Variants in ST7L observed in about 807,000 individuals in gnomAD.
ST7L encodes the protein suppression of tumorigenicity 7 like.
In ST7L, 57 loss-of-function variants were observed where a neutral mutation model predicts 72.5. That is an observed-to-expected ratio of 0.79 (90% CI 0.64 to 0.98). The LOEUF (loss-of-function observed/expected upper bound fraction) is 0.98. ST7L is among the 50% of genes least tolerant of loss of function. ST7L has a pLI of 0.00. For missense variants in ST7L, 576 were observed against 672.2 expected (o/e 0.86, Z 1.58); for synonymous variants, 221 against 240.9 (o/e 0.92, Z 0.77).
chr1:112,539,736 T>C, intron 14 of ST7L: 2 of 985,228 alleles, frequency 2.0e-6, no homozygotes, highest in Non-Finnish European at 2.4e-6. Flanking sequence ...CATTAACTCT[T>C]AAATGGAACC....
rs1026023852 is a variant in ST7L at position 112,598,087 on chromosome 1, CT to C, written c.507-2del. On this transcript the variant is annotated splice_acceptor_variant, in intron 4 of 14. Coordinates refer to ENST00000358039, the MANE Select transcript of ST7L (RefSeq NM_017744.5). LOFTEE classifies it high-confidence loss of function. ...CTCTTTACCAGTCACCCAAGTGTAT[CT>C]TTACCAAAACACAACAAAATATTTA... 12 of 1,606,772 alleles carry C rather than the reference CT, an allele frequency of 7.5e-6. No individual in the cohort carries two copies. In the Admixed American group the frequency reaches 1.0e-4, roughly 14 times the overall value.
downstream of ST7L, among the ~76,000 whole-genome samples, chr1:112,519,938 A>G (rs1343628136): frequency 2.7e-5 from 4 of 146,610 alleles, no homozygotes; most frequent in Admixed American, 7.0e-5. Flanking sequence ...CAGTGGTGCA[A>G]TCTTGGCTCA....
intron 4 of ST7L, among the ~76,000 whole-genome samples, chr1:112,599,828 A>G (rs1425406083): frequency 3.9e-5 from 6 of 152,190 alleles, no homozygotes; most frequent in African/African-American, 7.2e-5. Flanking sequence ...ACAAATACTT[A>G]TATGTATTAT....
At chr1:112,615,070 G>T (rs1027835026) in intron 2 of ST7L, among the ~76,000 whole-genome samples, 1 of 152,022 alleles carries the variant, frequency 6.6e-6, no homozygotes, top group African/African-American at 2.4e-5. Flanking sequence ...CACCATCTTG[G>T]CTCACTGTAA....
intron 14 of ST7L, among the ~76,000 whole-genome samples, chr1:112,534,291 A>C (rs1654844116): frequency 1.3e-5 from 2 of 152,178 alleles, no homozygotes; most frequent in Non-Finnish European, 2.9e-5. Context: ...TAAGTTATGA[A>C]GTGATATATT....
intron 11 of ST7L, among the ~76,000 whole-genome samples, chr1:112,574,756 A>C (rs1571118139): frequency 6.6e-6 from 1 of 152,204 alleles, no homozygotes; most frequent in Admixed American, 6.5e-5. Flanking sequence ...CAAATGAATA[A>C]GAATAGTGGT....
At chr1:112,576,963 AT>A (rs1322678708) in intron 11 of ST7L, 22 bp downstream of exon 11, 1 of 1,530,074 alleles carries the variant, frequency 6.5e-7, no homozygotes, top group East Asian at 2.3e-5. Context: ...TAAAGGTAGT[AT>A]TTTTATCATA....
At chr1:112,531,925 AAAG>A (rs1165434680) in intron 14 of ST7L, among the ~76,000 whole-genome samples, 2 of 152,204 alleles carry the variant, frequency 1.3e-5, no homozygotes, top group African/African-American at 2.4e-5. Flanking sequence ...GCCAACATTC[AAAG>A]AAGACTCTTT....
chr1:112,615,851 T>C (rs919371037), intron 2 of ST7L, among the ~76,000 whole-genome samples: 1 of 152,212 alleles, frequency 6.6e-6, no homozygotes, highest in African/African-American at 2.4e-5. Flanking sequence ...GAGATTCTTA[T>C]GCCTCAGCCT....
chr1:112,614,258 A>G (rs1024580191), intron 2 of ST7L, among the ~76,000 whole-genome samples: 5 of 152,150 alleles, frequency 3.3e-5, no homozygotes, highest in Non-Finnish European at 5.9e-5. Context: ...AACAAAAACC[A>G]TATTAAATAG....
intron 11 of ST7L, among the ~76,000 whole-genome samples, chr1:112,556,997 A>AAAAAAAAAAAAAAAAAAAAAC (rs1557974323): frequency 7.0e-6 from 1 of 142,664 alleles, no homozygotes; most frequent in Non-Finnish European, 1.5e-5. Context: ...AAAAAAAAAA[A>AAAAAAAAAAAAAAAAAAAAAC]ACACAAAGAA....
intron 3 of ST7L, among the ~76,000 whole-genome samples, chr1:112,601,715 C>T (rs950284223): frequency 6.6e-6 from 1 of 152,006 alleles, no homozygotes. Flanking sequence ...TGTCATAAAA[C>T]CATACAGCAT....
At position 112,582,047 on chromosome 1, in the gene ST7L, T is replaced by G. The variant is rs1265068076; in HGVS notation, c.1014A>C (p.Ser338=). Reference sequence around the variant, plus strand: ...CTGGATAGGCCTGTAATTCTAAAAGTGATTCTAAGAGATTTTCATGGATGT... The same window carrying G: ...CTGGATAGGCCTGTAATTCTAAAAGGGATTCTAAGAGATTTTCATGGATGT... The part of the protein sequence containing the change: ...MLNIHENLLE[S]LLELQAYPDV... The change falls in exon 9 of 15, where the codon TCA becomes TCC. Residue 338 remains serine (S), a synonymous_variant. Transcript: ENST00000358039. 1 of 1,613,504 alleles carries G rather than the reference T, an allele frequency of 6.2e-7. No homozygotes were observed. Among genetic ancestry groups the G allele is most frequent in the Non-Finnish European group, 8.5e-7 (1 of 1,179,754 alleles).
intron 2 of ST7L, among the ~76,000 whole-genome samples, chr1:112,612,560 G>A: frequency 6.6e-6 from 1 of 151,976 alleles, no homozygotes; most frequent in Non-Finnish European, 1.5e-5. Flanking sequence ...GTTGGGGCCC[G>A]CTGACTACAT....
At chr1:112,561,429 T>C (rs1660116463) in intron 11 of ST7L, among the ~76,000 whole-genome samples, 1 of 151,840 alleles carries the variant, frequency 6.6e-6, no homozygotes, top group South Asian at 2.1e-4. Flanking sequence ...TGTCTGGATT[T>C]CTTTTTCTAT....
rs569787156 is a variant in ST7L at position 112,546,335 on chromosome 1, A to G, written c.1490-4245T>C. Among the ~76,000 whole-genome samples, 442 of 151,000 alleles carry G rather than the reference A, an allele frequency of 2.9e-3. 1 individual carries two copies. The highest frequency in any genetic ancestry group is 4.4e-3 in the Non-Finnish European group (296 of 67,750). On this transcript the variant is annotated intron_variant, in intron 13 of 14. Coordinates refer to ENST00000358039, the MANE Select transcript of ST7L (RefSeq NM_017744.5). ...CTAACTCAAAAAAAAAAAAAAAAAA[A>G]AGAGAGAAAAGAAAAAGTGGGATTG...
Position 112,525,060 on chromosome 1 carries a change from A to G in ST7L, c.*953T>C, listed in dbSNP as rs1689645632. Reference sequence around the variant, plus strand: ...AGTGGTGAAGAATTACCATCAAAGCAGAGTGGCTGAGACTGTATAAGTTCG... The same window carrying G: ...AGTGGTGAAGAATTACCATCAAAGCGGAGTGGCTGAGACTGTATAAGTTCG... On this transcript the variant is annotated 3_prime_UTR_variant, in exon 15 of 15. Coordinates refer to ENST00000358039, the MANE Select transcript of ST7L (RefSeq NM_017744.5). 1 of 152,266 alleles carries G rather than the reference A, an allele frequency of 6.6e-6. No homozygotes were observed. The highest frequency in any genetic ancestry group is 1.5e-5 in the Non-Finnish European group (1 of 68,088). The allele number at this position is 152,266 out of a possible 1,614,324, so 9.4% of individuals were successfully genotyped here. A position where few individuals can be genotyped will look rare whatever the true frequency, so the allele number is the denominator to read the frequency against.
chr1:112,579,448 G>A (rs1663756553), intron 9 of ST7L, among the ~76,000 whole-genome samples: 2 of 149,666 alleles, frequency 1.3e-5, no homozygotes, highest in Admixed American at 1.3e-4. Context: ...AAAAGGCATG[G>A]TATAATTAGA....
intron 14 of ST7L, 128 bp downstream of exon 14, chr1:112,541,823 T>C (rs1011919274): frequency 9.0e-6 from 13 of 1,450,968 alleles, no homozygotes; most frequent in African/African-American, 1.4e-5. Context: ...AGCAACTATA[T>C]ACAAATCAAT....
Sources: allele counts gnomAD v4.1 joint callset (sites outside exome capture counted in the v4.1 genomes callset), GRCh38; gene constraint gnomAD v4.1.1; transcripts MANE v1.5; gene names NCBI Gene and HGNC (gene_info 2026-07-23, HGNC 2026-07-21).